The following RBFOX1 variants were observed in gnomAD, a reference collection of about 807,000 sequenced individuals.
The protein encoded by RBFOX1 is RNA binding fox-1 homolog 1.
In RBFOX1, 8 loss-of-function variants were observed where a neutral mutation model predicts 57.7. The observed-to-expected ratio is 0.14, with a 90% CI of 0.08 to 0.25. The LOEUF is 0.25. Among genes scored for constraint, RBFOX1 ranks in the 10% least tolerant of loss-of-function variants. The pLI, the probability that RBFOX1 is intolerant of heterozygous loss-of-function variation, is 1.00. For synonymous variants in RBFOX1, 326 were observed against 222.4 expected (o/e 1.47, Z -4.15); for missense variants, 611 against 548.5 (o/e 1.11, Z -1.14).
chr16:7,450,753 G>A (rs894473816), intron 4 of RBFOX1, among the ~76,000 whole-genome samples: 1 of 152,164 alleles, frequency 6.6e-6, no homozygotes, highest in Non-Finnish European at 1.5e-5. Flanking sequence ...TGCTGAGTGG[G>A]TGTTGAGGAG....
At chr16:5,884,894 A>G (rs183793898) in intron 4 of RBFOX1, among the ~76,000 whole-genome samples, 19 of 152,280 alleles carry the variant, frequency 1.2e-4, no homozygotes, top group East Asian at 1.2e-3. Context: ...CCATTTTGCC[A>G]TAGTCTGGTG....
intron 2 of RBFOX1, among the ~76,000 whole-genome samples, chr16:6,508,827 G>A (rs1013044358): frequency 6.6e-6 from 1 of 151,230 alleles, no homozygotes; most frequent in Non-Finnish European, 1.5e-5. Flanking sequence ...AAGTAATCAC[G>A]GTAAAACTGC....
intron 4 of RBFOX1, among the ~76,000 whole-genome samples, chr16:7,476,969 C>T (rs558255122): frequency 5.3e-5 from 8 of 152,298 alleles, no homozygotes; most frequent in South Asian, 2.1e-4. Context: ...AGTGCAATTG[C>T]ATTGGTGTGG....
intron 4 of RBFOX1, among the ~76,000 whole-genome samples, chr16:7,164,494 C>G (rs1436646032): frequency 4.6e-5 from 7 of 152,102 alleles, no homozygotes; most frequent in Non-Finnish European, 1.0e-4. Flanking sequence ...AGTGGGATTG[C>G]TGGCAGAAAT....
chr16:5,669,075 A>G (rs2049937915), intron 3 of RBFOX1, among the ~76,000 whole-genome samples: 1 of 152,192 alleles, frequency 6.6e-6, no homozygotes. Context: ...TAGCACCCCA[A>G]CAAAGATCTC....
chr16:7,120,696 A>G (rs201526426), intron 4 of RBFOX1, among the ~76,000 whole-genome samples: 17,822 of 111,198 alleles, frequency 0.16, 1,316 homozygotes, highest in East Asian at 0.36. Context: ...AATGTTGGGA[A>G]AAAAAAAAAA....
intron 4 of RBFOX1, among the ~76,000 whole-genome samples, chr16:7,391,746 A>ATG (rs2098028093): frequency 6.6e-6 from 1 of 152,200 alleles, no homozygotes; most frequent in African/African-American, 2.4e-5. Flanking sequence ...TCCTCAGCAT[A>ATG]TGTGCCTTTT....
intron 2 of RBFOX1, among the ~76,000 whole-genome samples, chr16:6,476,889 A>G (rs947472437): frequency 6.6e-6 from 1 of 152,194 alleles, no homozygotes; most frequent in Admixed American, 6.5e-5. Context: ...AATATTCTAC[A>G]TTCTTTGTTG....
At chr16:5,351,133 C>G (rs1275631239) in intron 1 of RBFOX1, among the ~76,000 whole-genome samples, 1 of 152,186 alleles carries the variant, frequency 6.6e-6, no homozygotes, top group East Asian at 1.9e-4. Flanking sequence ...ATCTGATACC[C>G]TCATTTTGCC....
intron 1 of RBFOX1, among the ~76,000 whole-genome samples, chr16:5,283,027 G>T (rs2063309359): frequency 6.6e-6 from 1 of 152,138 alleles, no homozygotes; most frequent in African/African-American, 2.4e-5. Flanking sequence ...GCAGCCTAGG[G>T]TGCCTGAGTC....
intron 9 of RBFOX1, among the ~76,000 whole-genome samples, chr16:7,599,997 C>T (rs2094926606): frequency 6.6e-6 from 1 of 152,192 alleles, no homozygotes; most frequent in African/African-American, 2.4e-5. Flanking sequence ...GTGTATCAGG[C>T]ATCGCTTTCC....
At chr16:5,548,168 AAAAAAAATATATATATATAT>A (rs1478351531) in intron 2 of RBFOX1, among the ~76,000 whole-genome samples, 6 of 57,190 alleles carry the variant, frequency 1.0e-4, no homozygotes, top group African/African-American at 2.8e-4. Flanking sequence ...TAAAAAAAAA[AAAAAAAATATATATATATAT>A]ATATATATAT....
At chr16:6,550,071 A>G (rs2096962387) in intron 2 of RBFOX1, among the ~76,000 whole-genome samples, 1 of 152,164 alleles carries the variant, frequency 6.6e-6, no homozygotes, top group African/African-American at 2.4e-5. Flanking sequence ...TGAATCTAAA[A>G]TGCTGTTCAC....
chr16:5,841,467 TCC>T (rs2056623660), intron 3 of RBFOX1, among the ~76,000 whole-genome samples: 1 of 152,154 alleles, frequency 6.6e-6, no homozygotes, highest in African/African-American at 2.4e-5. Context: ...CCTCACCTTG[TCC>T]CTCCCACAAA....
chr16:6,916,155 C>A (rs1289199455), intron 3 of RBFOX1, among the ~76,000 whole-genome samples: 2 of 152,076 alleles, frequency 1.3e-5, no homozygotes, highest in Non-Finnish European at 2.9e-5. Flanking sequence ...CAAGAATGAT[C>A]AAAGTTGACA....
At chr16:5,754,169 G>A (rs1019442180) in intron 3 of RBFOX1, among the ~76,000 whole-genome samples, 2 of 152,108 alleles carry the variant, frequency 1.3e-5, no homozygotes, top group Non-Finnish European at 2.9e-5. Context: ...GTTAAAAGCC[G>A]GAATAGTTTT....
chr16:6,979,417 TGAA>T (rs2088040165), intron 3 of RBFOX1, among the ~76,000 whole-genome samples: 5 of 152,156 alleles, frequency 3.3e-5, no homozygotes, highest in African/African-American at 9.7e-5. Flanking sequence ...AAATTAAAGT[TGAA>T]GAAAGTCCTT....
chr16:6,141,007 T>C (rs9928371), intron 1 of RBFOX1, among the ~76,000 whole-genome samples: 15,778 of 152,154 alleles, frequency 0.1, 1,373 homozygotes, highest in African/African-American at 0.23. Flanking sequence ...ACACTGTGAC[T>C]TGACTCTCTG....
intron 1 of RBFOX1, among the ~76,000 whole-genome samples, chr16:5,320,049 A>T (rs2064359792): frequency 6.6e-6 from 1 of 152,142 alleles, no homozygotes; most frequent in Admixed American, 6.5e-5. Flanking sequence ...TGTGCCCAGG[A>T]GGTAAAGCAA....
Sources: allele counts gnomAD v4.1 joint callset (sites outside exome capture counted in the v4.1 genomes callset), GRCh38; gene constraint gnomAD v4.1.1; transcripts MANE v1.5; gene names NCBI Gene and HGNC (gene_info 2026-07-23, HGNC 2026-07-21).